Variants in SRP14 observed in about 807,000 individuals in gnomAD.
SRP14 encodes signal recognition particle 14 kDa protein.
A neutral mutation model predicts 16.0 loss-of-function variants in SRP14; 1 was observed. The observed-to-expected ratio is 0.06, with a 90% CI of 0.02 to 0.30. The LOEUF (loss-of-function observed/expected upper bound fraction) is 0.30, where lower values mean the gene tolerates loss of function less well. Among genes scored for constraint, SRP14 ranks in the 10% least tolerant of loss-of-function variants. SRP14 has a pLI of 1.00. For missense variants in SRP14, 120 were observed against 163.1 expected, an observed-to-expected ratio of 0.74 and a Z score of 1.44; for synonymous variants, 67 against 60.1, an observed-to-expected ratio of 1.12 and a Z score of -0.53.
chr15:40,036,395 G>A lies in SRP14; in HGVS notation c.349C>T (p.Pro117Ser). 4.7e-6 allele frequency: 7 copies of A among 1,487,856 alleles called. No individual in the cohort carries two copies. Among genetic ancestry groups the A allele is most frequent in the Non-Finnish European group, 6.5e-6 (7 of 1,084,254 alleles). The allele number at this position is 1,487,856 out of a possible 1,614,324, so 92.2% of individuals were successfully genotyped here. Residue 117 changes from proline to serine, a missense_variant, in exon 5 of 5, where the codon CCT becomes TCT. By Grantham distance (74) the Pro-to-Ser change is moderately conservative (BLOSUM62 -1). Around this residue, in one of 3 missense-constraint regions of SRP14, gnomAD observed 43 missense variants for 37.0 expected, o/e 1.16. Transcript: ENST00000267884. The stretch of plus-strand genomic sequence containing the variant: ...GTTGGTGCTGTTGCTGCTGCGGCAG[G>A]TGCTGCTGCTGCTGCTGCTGCTGCT... ...KAAAAAAAAAPAAAATAPTTA... is the reference protein window; with the variant it reads ...KAAAAAAAAASAAAATAPTTA...
At chr15:40,038,758 G>C in intron 2 of SRP14, 118 bp downstream of exon 2, 2 of 1,100,494 alleles carry the variant, frequency 1.8e-6, no homozygotes, top group Non-Finnish European at 2.7e-6. Context: ...CCCCGAATGT[G>C]CTCAGTACAG....
intron 4 of SRP14, 170 bp downstream of exon 4, chr15:40,036,816 G>A (rs2035630713): frequency 2.7e-6 from 2 of 747,942 alleles, no homozygotes; most frequent in Non-Finnish European, 4.5e-6. Flanking sequence ...AAACTAGAAA[G>A]GAAGACGGTA....
intron 2 of SRP14, 186 bp from the exon 3 acceptor site, chr15:40,038,580 A>C: frequency 1.6e-6 from 1 of 611,470 alleles, no homozygotes; most frequent in South Asian, 2.0e-5. Flanking sequence ...TCCACGACGG[A>C]AACATGTAAT....
At chr15:40,037,195 C>T in intron 3 of SRP14, 177 bp from the exon 4 acceptor site, 1 of 1,219,036 alleles carries the variant, frequency 8.2e-7, no homozygotes, top group Non-Finnish European at 1.1e-6. Flanking sequence ...CTTTCCTCTG[C>T]CTAGAGAACA....
At chr15:40,038,244 T>C (rs1159916176) in intron 3 of SRP14, 38 bp downstream of exon 3, 8 of 1,513,954 alleles carry the variant, frequency 5.3e-6, no homozygotes, top group Non-Finnish European at 7.3e-6. Flanking sequence ...AGTTCAAGTC[T>C]TTACATTTCA....
chr15:40,038,817 G>A, intron 2 of SRP14, 59 bp downstream of exon 2: 2 of 1,576,740 alleles, frequency 1.3e-6, no homozygotes, highest in Non-Finnish European at 1.7e-6. Flanking sequence ...ACAGACTCCG[G>A]TGGCTCCCAG....
intron 2 of SRP14, 24 bp downstream of exon 2, chr15:40,038,852 C>A (rs1368257938): frequency 1.2e-6 from 2 of 1,612,582 alleles, no homozygotes; most frequent in Non-Finnish European, 1.7e-6. Context: ...GGGAGCATCG[C>A]CCGGCTCCCC....
At chr15:40,038,457 G>A (rs1031940602) in intron 2 of SRP14, 63 bp from the exon 3 acceptor site, 4 of 1,174,278 alleles carry the variant, frequency 3.4e-6, no homozygotes, top group East Asian at 4.6e-5. Flanking sequence ...CAGACAAACA[G>A]TTAAAACAGA....
chr15:40,036,918 A>AC (rs1337496970), intron 4 of SRP14, 68 bp downstream of exon 4: 2 of 1,540,638 alleles, frequency 1.3e-6, no homozygotes, highest in Non-Finnish European at 1.8e-6. Flanking sequence ...TATCAATCTT[A>AC]CCCAGTGTTC....
At chr15:40,037,588 T>C (rs538445366) in intron 3 of SRP14, among the ~76,000 whole-genome samples, 17 of 144,170 alleles carry the variant, frequency 1.2e-4, no homozygotes, top group East Asian at 9.8e-4. Context: ...CTTGTTTTAC[T>C]GTAGAAGTCC....
intron 3 of SRP14, chr15:40,037,264 T>G: frequency 1.1e-6 from 1 of 944,980 alleles, no homozygotes; most frequent in Non-Finnish European, 1.3e-6. Flanking sequence ...TGAAAGGCAG[T>G]AGGCTCCTTT....
intron 3 of SRP14, 149 bp from the exon 4 acceptor site, chr15:40,037,167 G>A (rs1030940565): frequency 3.4e-5 from 42 of 1,240,624 alleles, no homozygotes; most frequent in Non-Finnish European, 9.7e-6. Context: ...ATACACGAAT[G>A]GTTATTTTTC....
At chr15:40,038,601 G>A (rs1567015129) in intron 2 of SRP14, 28 of 607,806 alleles carry the variant, frequency 4.6e-5, no homozygotes, top group Non-Finnish European at 5.5e-5. Flanking sequence ...ATCGAAGCAC[G>A]TTAAATTCCA....
Position 40,039,130 on chromosome 15 carries a change from G to T in SRP14, c.-14C>A. On this transcript the variant is annotated 5_prime_UTR_variant, in exon 1 of 5. Transcript: ENST00000267884. ...CAACAACACCATCGCGGCGACGCTG[G>T]CTCGACTCCCTCCGCTTAAGCCCCT... The T allele has an allele frequency of 6.2e-7, 1 of 1,609,506 alleles. No homozygotes were observed.
rs1404776133 is a variant in SRP14 at position 40,038,361 on chromosome 15, C to G, written c.131G>C (p.Gly44Ala). The change falls in exon 3 of 5, where the codon GGT (glycine) becomes GCT (alanine). Residue 44 changes from glycine (G) to alanine (A), a missense_variant. Gly to Ala is a moderately conservative substitution (Grantham distance 60). Transcript: ENST00000267884. Reference sequence around the variant, plus strand: ...TGCGGGCTCAAAGCCCTCCACAGTACCCTTCTTTGGAATGGGTTTGGTTCG... The same window carrying G: ...TGCGGGCTCAAAGCCCTCCACAGTAGCCTTCTTTGGAATGGGTTTGGTTCG... ...DGRTKPIPKKGTVEGFEPADN... is the reference protein window; with the variant it reads ...DGRTKPIPKKATVEGFEPADN... The G allele has an allele frequency of 6.2e-7, 1 of 1,613,884 alleles. No individual in the cohort carries two copies. Among genetic ancestry groups the G allele is most frequent in the Non-Finnish European group, 8.5e-7 (1 of 1,179,902 alleles).
chr15:40,039,036 G>C, intron 1 of SRP14, 57 bp downstream of exon 1: 1 of 1,606,904 alleles, frequency 6.2e-7, no homozygotes, highest in Non-Finnish European at 8.5e-7. Flanking sequence ...AGGAGGCACA[G>C]GTCTCGAGTA....
chr15:40,037,362 A>G (rs1160155643), intron 3 of SRP14: 1 of 1,295,466 alleles, frequency 7.7e-7, no homozygotes, highest in African/African-American at 1.5e-5. Context: ...GGTTCTGAGA[A>G]AAGTCAGAGG....
intron 4 of SRP14, 50 bp downstream of exon 4, chr15:40,036,936 T>C (rs1464587691): frequency 6.2e-7 from 1 of 1,601,716 alleles, no homozygotes; most frequent in Non-Finnish European, 8.6e-7. Context: ...TTCACTATCA[T>C]ACTGACTCTT....
chr15:40,036,712 C>G, intron 4 of SRP14: 1 of 660,574 alleles, frequency 1.5e-6, no homozygotes. Flanking sequence ...ACATTTTTTA[C>G]GTTTTTTTCC....
Sources: gnomAD v4.1 joint callset for allele counts (sites outside exome capture counted in the v4.1 genomes callset) on GRCh38, gnomAD v4.1.1 for gene constraint, gnomAD v4.1.1 regional missense constraint, MANE v1.5 for transcripts, NCBI Gene and HGNC (gene_info 2026-07-23, HGNC 2026-07-21) for gene names.